The following KALRN variants were observed in gnomAD, a reference collection of about 807,000 sequenced individuals.
KALRN encodes kalirin.
A neutral mutation model predicts 353.7 loss-of-function variants in KALRN; 70 were observed. The ratio of observed to expected loss-of-function variants is 0.20; its 90% CI spans 0.16 to 0.24. KALRN has a LOEUF of 0.24. KALRN is among the 10% of genes least tolerant of loss of function. The pLI is 1.00. For missense variants in KALRN, 2,791 were observed against 3,756.7 expected, an observed-to-expected ratio of 0.74 and a Z score of 6.72; for synonymous variants, 1,391 against 1,434.8, an observed-to-expected ratio of 0.97 and a Z score of 0.69.
chr3:124,365,457 G>T (rs1560689685), intron 10 of KALRN, among the ~76,000 whole-genome samples: 1 of 152,170 alleles, frequency 6.6e-6, no homozygotes, highest in Non-Finnish European at 1.5e-5. Flanking sequence ...CTCTAGAGCA[G>T]CCGTGTGCCT....
intron 34 of KALRN, chr3:124,585,006 G>C (rs986916547): frequency 1.4e-6 from 2 of 1,389,928 alleles, no homozygotes; most frequent in Non-Finnish European, 9.7e-7. Flanking sequence ...GGAGGCCTCT[G>C]GGGTAGGCGG....
chr3:124,682,499 T>C (rs573468815), intron 51 of KALRN, among the ~76,000 whole-genome samples: 2 of 152,358 alleles, frequency 1.3e-5, no homozygotes, highest in East Asian at 3.9e-4. Context: ...CCCTTTAACC[T>C]GAGGCCAGCC....
intron 32 of KALRN, among the ~76,000 whole-genome samples, chr3:124,494,006 G>C (rs1360984373): frequency 6.6e-6 from 1 of 152,194 alleles, no homozygotes; most frequent in African/African-American, 2.4e-5. Flanking sequence ...AAATAAATTA[G>C]AAAGGAAACA....
intron 5 of KALRN, among the ~76,000 whole-genome samples, chr3:124,278,458 GGT>G (rs55855993): frequency 0.063 from 9,175 of 145,296 alleles, 337 homozygotes; most frequent in African/African-American, 0.097. Context: ...GGACACTTCA[GGT>G]GTGTGTGTGT....
intron 51 of KALRN, among the ~76,000 whole-genome samples, chr3:124,682,409 A>G (rs2061381763): frequency 6.6e-6 from 1 of 152,196 alleles, no homozygotes; most frequent in Non-Finnish European, 1.5e-5. Context: ...CTGGAACCCC[A>G]GCTGACATAA....
intron 1 of KALRN, among the ~76,000 whole-genome samples, chr3:124,175,254 G>T (rs113835668): frequency 0.033 from 5,097 of 152,350 alleles, 259 homozygotes; most frequent in African/African-American, 0.11. Flanking sequence ...AATGGGAGAC[G>T]CATGCCTGGA....
At chr3:124,500,984 A>ATCCTT (rs4048318) in intron 33 of KALRN, among the ~76,000 whole-genome samples, 151,319 of 152,316 alleles carry the variant, frequency 0.99, 75,170 homozygotes, top group East Asian at 1. Flanking sequence ...TATCTGCTGA[A>ATCCTT]TCCAGCTAAT....
At chr3:124,716,071 G>T (rs1219531786) in intron 58 of KALRN, among the ~76,000 whole-genome samples, 1 of 151,978 alleles carries the variant, frequency 6.6e-6, no homozygotes, top group Non-Finnish European at 1.5e-5. Context: ...GGTTCACTTT[G>T]GTGAAACCAA....
chr3:124,057,199 G>A (rs900869962), intron 1 of KALRN, among the ~76,000 whole-genome samples: 1 of 152,184 alleles, frequency 6.6e-6, no homozygotes, highest in African/African-American at 2.4e-5. Flanking sequence ...ACCATATCCT[G>A]TACTTTTTCT....
intron 34 of KALRN, among the ~76,000 whole-genome samples, chr3:124,581,617 G>T (rs1176625214): frequency 6.6e-6 from 1 of 152,126 alleles, no homozygotes; most frequent in Non-Finnish European, 1.5e-5. Flanking sequence ...CAAGAGGGAA[G>T]ATTTGAGTAA....
intron 37 of KALRN, among the ~76,000 whole-genome samples, chr3:124,650,243 A>G (rs1339475930): frequency 1.3e-5 from 2 of 152,210 alleles, no homozygotes; most frequent in African/African-American, 2.4e-5. Flanking sequence ...CCATCATCAT[A>G]GGACATTTTT....
At chr3:124,520,903 C>G (rs1400847034) in intron 33 of KALRN, among the ~76,000 whole-genome samples, 1 of 152,204 alleles carries the variant, frequency 6.6e-6, no homozygotes, top group Non-Finnish European at 1.5e-5. Flanking sequence ...AAACTCACAG[C>G]CAGAACATAG....
chr3:124,312,327 A>T (rs1379595209), intron 6 of KALRN, among the ~76,000 whole-genome samples: 1 of 152,000 alleles, frequency 6.6e-6, no homozygotes, highest in East Asian at 1.9e-4. Context: ...TGCCCGGCTA[A>T]TTTTTGTATT....
intron 15 of KALRN, among the ~76,000 whole-genome samples, chr3:124,429,649 A>G (rs1410810433): frequency 6.6e-6 from 1 of 152,166 alleles, no homozygotes; most frequent in African/African-American, 2.4e-5. Context: ...GATAATTGCC[A>G]CATCCCCATT....
At chr3:124,650,375 A>G (rs1028288870) in intron 37 of KALRN, among the ~76,000 whole-genome samples, 1 of 152,364 alleles carries the variant, frequency 6.6e-6, no homozygotes, top group African/African-American at 2.4e-5. Flanking sequence ...GCTATCTCAC[A>G]TAAATCATTC....
intron 5 of KALRN, among the ~76,000 whole-genome samples, chr3:124,273,944 C>G (rs1160606179): frequency 6.6e-6 from 1 of 152,314 alleles, no homozygotes; most frequent in African/African-American, 2.4e-5. Flanking sequence ...ATCTGGCCAC[C>G]CCTCCAGTTG....
intron 21 of KALRN, among the ~76,000 whole-genome samples, chr3:124,449,754 G>C (rs2058596679): frequency 6.6e-6 from 1 of 152,110 alleles, no homozygotes; most frequent in Non-Finnish European, 1.5e-5. Flanking sequence ...AGTCTCTATG[G>C]GTTTGCCTGT....
intron 25 of KALRN, among the ~76,000 whole-genome samples, chr3:124,462,879 G>T (rs1397299127): frequency 1.3e-5 from 2 of 152,146 alleles, no homozygotes; most frequent in African/African-American, 4.8e-5. Context: ...CATTTATTCA[G>T]CCAGAATGAA....
Position 124,287,770 on chromosome 3 carries a change from GATATATATATATATATATATAT to G in KALRN, c.970-10986_970-10965del, listed in dbSNP as rs58694397. Among the ~76,000 whole-genome samples, 179 of 114,578 alleles carry G rather than the reference GATATATATATATATATATATAT, an allele frequency of 1.6e-3. 1 individual carries two copies. Among genetic ancestry groups the G allele is most frequent in the East Asian group, 3.1e-3 (14 of 4,500 alleles). 75.2% of individuals were successfully genotyped at this position (114,578 alleles called of 152,430 possible). On this transcript the variant is annotated intron_variant, in intron 5 of 59. Coordinates refer to ENST00000682506, the MANE Select transcript of KALRN (RefSeq NM_001388419.1). ...GAAAATCAATGGTAGGGCCTAGGAA[GATATATATATATATATATATAT>G]ATATATATATATATATATATATATA...
Sources: gnomAD v4.1 joint callset for allele counts (sites outside exome capture counted in the v4.1 genomes callset) on GRCh38, gnomAD v4.1.1 for gene constraint, MANE v1.5 for transcripts, NCBI Gene and HGNC (gene_info 2026-07-23, HGNC 2026-07-21) for gene names.